Variants in CSNK1G2 observed in about 807,000 individuals in gnomAD.
CSNK1G2 encodes casein kinase I isoform gamma-2.
CSNK1G2 carries 11 observed loss-of-function variants against 48.0 expected under a neutral mutation model. The observed-to-expected ratio is 0.23, with a 90% CI of 0.14 to 0.38. The LOEUF is 0.38. Among genes scored for constraint, CSNK1G2 ranks in the 10% least tolerant of loss-of-function variants. The pLI is 1.00. For missense variants in CSNK1G2, 446 were observed against 595.5 expected (o/e 0.75, Z 2.61); for synonymous variants, 337 against 254.1 (o/e 1.33, Z -3.10).
chr19:1,950,120 TTTTA>T (rs2014709334), intron 1 of CSNK1G2, among the ~76,000 whole-genome samples: 1 of 151,344 alleles, frequency 6.6e-6, no homozygotes, highest in Non-Finnish European at 1.5e-5. Context: ...TTTTTATTTA[TTTTA>T]TTTATTTATA....
At chr19:1,979,114 G>A (rs773593161) in intron 6 of CSNK1G2, 21 bp downstream of exon 6, 55 of 1,582,250 alleles carry the variant, frequency 3.5e-5, no homozygotes, top group Middle Eastern at 1.7e-4. Context: ...CGCGCGCGGC[G>A]GGGGGCGGGC....
intron 1 of CSNK1G2, among the ~76,000 whole-genome samples, chr19:1,944,860 G>A (rs1401811538): frequency 1.3e-5 from 2 of 152,188 alleles, no homozygotes; most frequent in South Asian, 2.1e-4. Flanking sequence ...TCTGGCGGGC[G>A]GGGCCCAGTG....
rs4806824 is a variant in CSNK1G2 at position 1,978,797 on chromosome 19, C to T, written c.447+47C>T. 0.016 allele frequency: 25,215 copies of T among 1,581,360 alleles called. 437 individuals carry two copies. Among genetic ancestry groups the T allele is most frequent in the Admixed American group, 0.082 (4,627 of 56,438 alleles). On this transcript the variant is annotated intron_variant, in intron 5 of 11. Coordinates refer to ENST00000255641, the MANE Select transcript of CSNK1G2 (RefSeq NM_001319.7). The surrounding 1 kb of genome is among the most constrained non-coding windows in gnomAD (Gnocchi z 7.3). Reference sequence around the variant, plus strand: ...GCGGGGCTCGGAGGGAAGAGGGTGGCCCTGGAGGGGAGCGCGTGGGACGGG... The same window carrying T: ...GCGGGGCTCGGAGGGAAGAGGGTGGTCCTGGAGGGGAGCGCGTGGGACGGG...
chr19:1,963,103 G>A (rs534497111), intron 1 of CSNK1G2, among the ~76,000 whole-genome samples: 43 of 152,272 alleles, frequency 2.8e-4, no homozygotes, highest in Middle Eastern at 3.4e-3. Flanking sequence ...GACATGCCGT[G>A]TGTGATCCCA....
intron 1 of CSNK1G2, among the ~76,000 whole-genome samples, chr19:1,960,201 C>A (rs2015152450): frequency 6.6e-6 from 1 of 152,208 alleles, no homozygotes; most frequent in African/African-American, 2.4e-5. Flanking sequence ...GAGATAGGTA[C>A]ATCCGGGACC....
intron 1 of CSNK1G2, among the ~76,000 whole-genome samples, chr19:1,961,917 T>C (rs1464788083): frequency 1.3e-5 from 2 of 152,166 alleles, no homozygotes; most frequent in Non-Finnish European, 2.9e-5. Context: ...GCCACATCAG[T>C]GTCTCCTGCC....
rs547239345 is a variant in CSNK1G2, at chr19:1,980,351, C to T, written c.*148C>T. The T allele has an allele frequency of 1.8e-4, 171 of 945,632 alleles. No homozygotes were observed. In the East Asian group the frequency reaches 4.2e-3, roughly 23 times the overall value. 58.6% of individuals were successfully genotyped at this position (945,632 alleles called of 1,614,324 possible). On this transcript the variant is annotated 3_prime_UTR_variant, in exon 12 of 12. Transcript: ENST00000255641. ...CAGACTGCAGGGGCCGCGCCTGGCT[C>T]AGGCGGCCCCACCCCCGGGACGTGG...
At chr19:1,954,578 G>C (rs2014914308) in intron 1 of CSNK1G2, 1 of 152,472 alleles carries the variant, frequency 6.6e-6, no homozygotes, top group Non-Finnish European at 1.5e-5. Context: ...TCTGGGCTGA[G>C]GGCTGTGTGG....
chr19:1,978,956 A>G lies in CSNK1G2; in HGVS notation c.545A>G (p.His182Arg), dbSNP rs955154098. 9 of 1,601,130 alleles carry G rather than the reference A, an allele frequency of 5.6e-6. No homozygotes were observed. Among genetic ancestry groups the G allele is most frequent in the Non-Finnish European group, 7.6e-6 (9 of 1,179,718 alleles). Reference sequence around the variant, plus strand: ...GGCCGCCCGGGGACCAAGCGGCAGCATGCCATCCACATCATCGACTTCGGG... The same window carrying G: ...GGCCGCCCGGGGACCAAGCGGCAGCGTGCCATCCACATCATCGACTTCGGG... Reference protein sequence around the residue: ...LVGRPGTKRQHAIHIIDFGLA... With the variant: ...LVGRPGTKRQRAIHIIDFGLA... Residue 182 changes from histidine (H) to arginine (R), a missense_variant, in exon 6 of 12, where the codon CAT (histidine) becomes CGT (arginine). By Grantham distance (29) the His-to-Arg change is conservative. This residue lies in a region of CSNK1G2 where 258 missense variants were observed against 415.9 expected (regional missense o/e 0.62). Coordinates refer to ENST00000255641, the MANE Select transcript of CSNK1G2 (RefSeq NM_001319.7). The surrounding 1 kb of genome is among the most constrained non-coding windows in gnomAD (Gnocchi z 7.3).
In CSNK1G2 at chr19:1,975,960, A is replaced by G. The variant is rs2015738899; in HGVS notation, c.188-2345A>G. ...TGAGGCAGGAGAATCGCTTGAACCC[A>G]GGAGGCAGAGGTTCCAGTGAGCCGT... On this transcript the variant is annotated intron_variant, in intron 2 of 11. Coordinates refer to ENST00000255641, the MANE Select transcript of CSNK1G2 (RefSeq NM_001319.7). 3.4e-6 allele frequency: 3 copies of G among 894,342 alleles called. No individual in the cohort carries two copies. In the Admixed American group the frequency reaches 7.7e-5, roughly 23 times the overall value. The allele number at this position is 894,342 out of a possible 1,614,324, so 55.4% of individuals were successfully genotyped here.
rs778198286 is a variant in CSNK1G2 at position 1,979,439 on chromosome 19, ACCCCCCAC to A, written c.853+42_854-43del. Reference sequence around the variant, plus strand: ...CCTGCGCCCCCGCCCTGTGCCCCCCACCCCCCACCCCCCACCCCCACCCCCGCCGAGGC... The same window carrying A: ...CCTGCGCCCCCGCCCTGTGCCCCCCACCCCCACCCCCACCCCCGCCGAGGC... On this transcript the variant is annotated intron_variant, in intron 8 of 11. Transcript: ENST00000255641. 5.5e-3 allele frequency: 2,161 copies of A among 394,616 alleles called. 23 individuals are homozygous for A. In the African/African-American group the frequency reaches 0.061, roughly 11 times the overall value. 24.4% of individuals were successfully genotyped at this position (394,616 alleles called of 1,614,324 possible).
intron 1 of CSNK1G2, among the ~76,000 whole-genome samples, chr19:1,965,270 C>A (rs1361828148): frequency 6.7e-6 from 1 of 149,920 alleles, no homozygotes; most frequent in Non-Finnish European, 1.5e-5. Flanking sequence ...TTAGTCCCAG[C>A]TACTCAGGAG....
chr19:1,963,069 C>T (rs868364518), intron 1 of CSNK1G2, among the ~76,000 whole-genome samples: 2 of 152,016 alleles, frequency 1.3e-5, no homozygotes, highest in Non-Finnish European at 2.9e-5. Flanking sequence ...ACTCCAGGCT[C>T]AATGAGACAC....
intron 1 of CSNK1G2, among the ~76,000 whole-genome samples, chr19:1,951,845 T>A (rs1168153876): frequency 6.6e-6 from 1 of 151,582 alleles, no homozygotes; most frequent in Non-Finnish European, 1.5e-5. Context: ...CACAGCTGGC[T>A]AATTTTTTGT....
At chr19:1,975,329 G>A (rs1047636936) in intron 2 of CSNK1G2, 4 of 985,378 alleles carry the variant, frequency 4.1e-6, no homozygotes, top group Non-Finnish European at 4.8e-6. Context: ...TCCTCAGCCT[G>A]GGGGAGCGCA....
At chr19:1,953,964 G>T (rs1297530638) in intron 1 of CSNK1G2, 1 of 533,776 alleles carries the variant, frequency 1.9e-6, no homozygotes, top group Admixed American at 1.9e-5. Flanking sequence ...GCCATGGACG[G>T]GGCCTTCTCG....
chr19:1,977,028 C>T (rs1274937515), intron 2 of CSNK1G2, among the ~76,000 whole-genome samples: 1 of 152,130 alleles, frequency 6.6e-6, no homozygotes. Context: ...CATAAGCCAC[C>T]GTGCCCGGCC....
intron 1 of CSNK1G2, among the ~76,000 whole-genome samples, chr19:1,945,337 G>C (rs113713327): frequency 0.016 from 2,452 of 152,274 alleles, 69 homozygotes; most frequent in African/African-American, 0.056. Context: ...CGGGGCACGC[G>C]TCTGAGGTGT....
chr19:1,953,727 C>G, intron 1 of CSNK1G2: 1 of 396,078 alleles, frequency 2.5e-6, no homozygotes, highest in Admixed American at 3.1e-5. Context: ...CCCCCACATC[C>G]CCCCAACAGG....
Sources: allele counts gnomAD v4.1 joint callset (sites outside exome capture counted in the v4.1 genomes callset), GRCh38; gene constraint gnomAD v4.1.1; regional missense constraint gnomAD v4.1.1; non-coding constraint Gnocchi (gnomAD v3.1); transcripts MANE v1.5; gene names NCBI Gene and HGNC (gene_info 2026-07-23, HGNC 2026-07-21).